Variants in SAXO1 observed in about 807,000 individuals in gnomAD.
The protein encoded by SAXO1 is 4930500O09Rik.
Under a neutral mutation model 17.5 loss-of-function variants are expected in SAXO1, and 21 were observed. The observed-to-expected ratio is 1.20, with a 90% confidence interval of 0.85 to 1.72. The LOEUF (loss-of-function observed/expected upper bound fraction) is 1.72, where lower values mean the gene tolerates loss of function less well. SAXO1 is among the 40% of genes most tolerant of loss of function. The pLI, the probability that SAXO1 is intolerant of heterozygous loss-of-function variation, is 0.00. For missense variants in SAXO1, 843 were observed against 596.0 expected (o/e 1.41, Z -4.32); for synonymous variants, 274 against 216.5 (o/e 1.27, Z -2.33).
intron 1 of SAXO1, among the ~76,000 whole-genome samples, chr9:18,998,880 A>G (rs961410474): frequency 2.0e-5 from 3 of 152,228 alleles, no homozygotes; most frequent in Non-Finnish European, 4.4e-5. Flanking sequence ...AAGGAGAAAT[A>G]AAATCCTTTA....
intron 3 of SAXO1, among the ~76,000 whole-genome samples, chr9:18,933,314 T>C (rs976776145): frequency 6.6e-6 from 1 of 152,216 alleles, no homozygotes; most frequent in Non-Finnish European, 1.5e-5. Flanking sequence ...GGCATATTAA[T>C]TGATTTTCTG....
chr9:19,001,019 G>C (rs1834243623), intron 1 of SAXO1, among the ~76,000 whole-genome samples: 1 of 152,088 alleles, frequency 6.6e-6, no homozygotes, highest in Non-Finnish European at 1.5e-5. Flanking sequence ...GTCAATATTA[G>C]ACAGATCAAC....
intron 1 of SAXO1, among the ~76,000 whole-genome samples, chr9:18,966,152 T>C (rs2064049296): frequency 6.6e-6 from 1 of 152,222 alleles, no homozygotes; most frequent in Admixed American, 6.5e-5. Context: ...CAACCCAACC[T>C]TTCTCTCTGG....
At chr9:19,040,615 G>A (rs1030338207) in intron 1 of SAXO1, among the ~76,000 whole-genome samples, 3 of 151,940 alleles carry the variant, frequency 2.0e-5, no homozygotes, top group Non-Finnish European at 4.4e-5. Context: ...CTGCATTCCA[G>A]CCTGGGCAAC....
intron 1 of SAXO1, among the ~76,000 whole-genome samples, chr9:19,040,713 C>T (rs1474860365): frequency 6.6e-6 from 1 of 151,840 alleles, no homozygotes; most frequent in Non-Finnish European, 1.5e-5. Flanking sequence ...TATACAATTC[C>T]ACTTATATGA....
At chr9:18,999,257 C>T (rs12352657) in intron 1 of SAXO1, among the ~76,000 whole-genome samples, 72,560 of 152,120 alleles carry the variant, frequency 0.48, 18,295 homozygotes, top group Non-Finnish European at 0.57. Flanking sequence ...AGGGATGGAG[C>T]CGTCTGGGAT....
Position 18,928,134 on chromosome 9 carries a change from T to C in SAXO1, c.1343A>G (p.Gln448Arg). The change falls in exon 4 of 4, where the codon CAG becomes CGG. Residue 448 changes from glutamine (Q) to arginine (R), a missense_variant. Transcript: ENST00000380534. Reference protein sequence around the residue: ...LGHRIYKPVSQAGSQQSSHLS... With the variant: ...LGHRIYKPVSRAGSQQSSHLS... ...ATGGCTGCTCTGCTGAGAGCCTGCCTGGGAAACTGGTTTGTATATCCTGTG... is the reference window on the plus strand; with the variant it reads ...ATGGCTGCTCTGCTGAGAGCCTGCCCGGGAAACTGGTTTGTATATCCTGTG... 1 of 1,614,182 alleles carries C rather than the reference T, an allele frequency of 6.2e-7. No individual in the cohort carries two copies. Among genetic ancestry groups the C allele is most frequent in the Non-Finnish European group, 8.5e-7 (1 of 1,180,016 alleles).
intron 1 of SAXO1, among the ~76,000 whole-genome samples, chr9:18,967,849 G>A (rs1016130235): frequency 6.6e-6 from 1 of 152,090 alleles, no homozygotes; most frequent in Non-Finnish European, 1.5e-5. Context: ...GCCCAGTTTT[G>A]TTCTTGAAAC....
chr9:19,012,784 G>T (rs1404854225), intron 1 of SAXO1, among the ~76,000 whole-genome samples: 1 of 152,174 alleles, frequency 6.6e-6, no homozygotes, highest in Non-Finnish European at 1.5e-5. Context: ...ACTCTCAGTA[G>T]ATCTGTCTCA....
intron 1 of SAXO1, among the ~76,000 whole-genome samples, chr9:18,981,987 A>G (rs1833406132): frequency 6.6e-6 from 1 of 152,178 alleles, no homozygotes; most frequent in Non-Finnish European, 1.5e-5. Flanking sequence ...CCATCCCAGC[A>G]CAGGCTCCTT....
At chr9:19,025,774 TAAC>T (rs1018350657) in intron 1 of SAXO1, among the ~76,000 whole-genome samples, 1 of 152,216 alleles carries the variant, frequency 6.6e-6, no homozygotes, top group African/African-American at 2.4e-5. Flanking sequence ...ATCCCTTCAT[TAAC>T]AATTTTTTAC....
At chr9:19,027,354 G>A in intron 1 of SAXO1, 1 of 780,952 alleles carries the variant, frequency 1.3e-6, no homozygotes, top group Non-Finnish European at 2.4e-6. Context: ...ACGACTCGCG[G>A]GTGAAGGCCA....
chr9:18,938,090 G>T (rs915618524), intron 3 of SAXO1, among the ~76,000 whole-genome samples: 16 of 152,096 alleles, frequency 1.1e-4, no homozygotes, highest in African/African-American at 3.6e-4. Context: ...TGCATGCCTG[G>T]TTCTGAGCAG....
intron 1 of SAXO1, among the ~76,000 whole-genome samples, chr9:18,963,294 T>C (rs1268829904): frequency 2.0e-5 from 3 of 152,334 alleles, no homozygotes; most frequent in Admixed American, 2.0e-4. Context: ...ACAGGCTTTT[T>C]TTGGTTCCAT....
At chr9:18,976,873 A>G (rs1202299485) in intron 1 of SAXO1, among the ~76,000 whole-genome samples, 2 of 152,256 alleles carry the variant, frequency 1.3e-5, no homozygotes, top group Non-Finnish European at 2.9e-5. Flanking sequence ...CTCCAGCTAC[A>G]CCAAGTGAAA....
chr9:18,978,040 T>G (rs1236078876), intron 1 of SAXO1, among the ~76,000 whole-genome samples: 1 of 148,026 alleles, frequency 6.8e-6, no homozygotes, highest in Non-Finnish European at 1.5e-5. Context: ...AAACGATTGT[T>G]CCAGAGTCGG....
chr9:18,935,405 A>T (rs557439197), intron 3 of SAXO1, among the ~76,000 whole-genome samples: 15 of 152,126 alleles, frequency 9.9e-5, no homozygotes, highest in Admixed American at 3.9e-4. Context: ...GGGCTTTCTC[A>T]TGCCTCCCCT....
At position 18,979,179 on chromosome 9, in the gene SAXO1, C is replaced by A. The variant is rs58145110; in HGVS notation, c.39-28242G>T. Reference sequence around the variant, plus strand: ...CACTAGGCTAGACAATATGAAAAAACCCAAGATTGAGATAGACTTGCAGCC... The same window carrying A: ...CACTAGGCTAGACAATATGAAAAAAACCAAGATTGAGATAGACTTGCAGCC... On this transcript the variant is annotated intron_variant, in intron 1 of 3. Coordinates refer to ENST00000380534, the MANE Select transcript of SAXO1 (RefSeq NM_153707.4). 7.7e-3 allele frequency among the ~76,000 whole-genome samples: 1,177 copies of A among 152,244 alleles called. 17 individuals carry two copies. The highest frequency in any genetic ancestry group is 0.027 in the African/African-American group (1,111 of 41,546).
At position 18,945,648 on chromosome 9, in the gene SAXO1, C is replaced by G. The variant is rs946452765; in HGVS notation, c.219-3809G>C. Among the ~76,000 whole-genome samples, 11 of 152,192 alleles carry G rather than the reference C, an allele frequency of 7.2e-5. 1 individual carries two copies. The highest frequency in any genetic ancestry group is 3.9e-4 in the Admixed American group (6 of 15,284). On this transcript the variant is annotated intron_variant, in intron 2 of 3. Transcript: ENST00000380534. Reference sequence around the variant, plus strand: ...TCACTATAACAGATGGGATTCCAAGCCCATGCACTCCAGAATCCAAGTTAC... The same window carrying G: ...TCACTATAACAGATGGGATTCCAAGGCCATGCACTCCAGAATCCAAGTTAC...
Sources: allele counts gnomAD v4.1 joint callset (sites outside exome capture counted in the v4.1 genomes callset), GRCh38; gene constraint gnomAD v4.1.1; transcripts MANE v1.5; gene names NCBI Gene and HGNC (gene_info 2026-07-23, HGNC 2026-07-21).